CLDN16: variants seen among roughly 807,000 people sequenced by gnomAD.
CLDN16 encodes the protein claudin 16.
A neutral mutation model predicts 24.6 loss-of-function variants in CLDN16; 13 were observed. The observed-to-expected ratio is 0.53, with a 90% CI of 0.34 to 0.84. The LOEUF (loss-of-function observed/expected upper bound fraction) is 0.84, where lower values mean the gene tolerates loss of function less well. Ranked by LOEUF, CLDN16 falls within the 40% of genes least tolerant of loss-of-function variation. CLDN16 has a pLI of 0.01. For missense variants in CLDN16, 298 were observed against 292.7 expected (o/e 1.02, Z -0.13); for synonymous variants, 116 against 106.7 (o/e 1.09, Z -0.54).
At chr3:190,312,688 T>G in the CLDN16 span, among the ~76,000 whole-genome samples, 1 of 152,234 alleles carries the variant, frequency 6.6e-6, no homozygotes, top group Non-Finnish European at 1.5e-5. Context: ...CTGTCAGATG[T>G]GAGCAGAGCT....
At chr3:190,388,074 C>T, upstream of CLDN16, 1 of 1,564,834 alleles carries the variant, frequency 6.4e-7, no homozygotes, top group Non-Finnish European at 8.8e-7. Context: ...CACACTCAGC[C>T]CTTGCACTGA....
upstream of CLDN16, among the ~76,000 whole-genome samples, chr3:190,385,758 C>T (rs1718483596): frequency 6.6e-6 from 1 of 152,078 alleles, no homozygotes; most frequent in Non-Finnish European, 1.5e-5. Context: ...AATTCTGATA[C>T]CCTCTTTTCT....
intron 1 of CLDN16, among the ~76,000 whole-genome samples, chr3:190,395,000 G>GA (rs1466415433): frequency 6.6e-6 from 1 of 151,806 alleles, no homozygotes; most frequent in East Asian, 1.9e-4. Flanking sequence ...AAAACAGAGA[G>GA]AAAAAAGAAA....
chr3:190,354,280 A>G (rs755266377), intron 1 of CLDN16, among the ~76,000 whole-genome samples: 12 of 152,116 alleles, frequency 7.9e-5, no homozygotes, highest in Middle Eastern at 3.4e-3. Flanking sequence ...TATTTTGTCA[A>G]CCACAGTTTC....
At position 190,410,016 on chromosome 3, in the gene CLDN16, G is replaced by A. The variant is rs150621351; in HGVS notation, c.688G>A (p.Ala230Thr). The change falls in exon 5 of 5, where the codon GCT becomes ACT. Residue 230 changes from alanine (A) to threonine (T), a missense_variant. Ala to Thr is a moderately conservative substitution (Grantham distance 58). Transcript: ENST00000264734. ...TCGCACAGAGACGGCCAAAATGTAT[G>A]CTGTAGACACAAGGGTGTAAAATGC... Reference protein sequence around the residue: ...APRTETAKMYAVDTRV With the variant: ...APRTETAKMYTVDTRV 2.5e-6 allele frequency: 4 copies of A among 1,613,960 alleles called. No homozygotes were observed. Among genetic ancestry groups the A allele is most frequent in the Non-Finnish European group, 3.4e-6 (4 of 1,180,020 alleles).
chr3:190,362,666 T>C (rs1456086624), intron 1 of CLDN16, among the ~76,000 whole-genome samples: 1 of 152,038 alleles, frequency 6.6e-6, no homozygotes, highest in Admixed American at 6.6e-5. Flanking sequence ...GCCTTCATTT[T>C]TTGAAGAATA....
rs548541988 is a variant in CLDN16 at position 190,327,521 on chromosome 3, A to T, written n.121+4860A>T. 1.1e-4 allele frequency among the ~76,000 whole-genome samples: 17 copies of T among 152,358 alleles called. No homozygotes were observed. The South Asian group carries it at 1.5e-3, about 13-fold the overall frequency. ...CTGAATTAGATAACTATCAACACAG[A>T]TGAGAAAAGTGAGGTGTGAAAAAGT... On this transcript the variant is annotated intron_variant and non_coding_transcript_variant, in intron 1 of 4. Transcript: ENST00000468220.
chr3:190,377,667 CAAAA>C (rs999809770), intron 3 of CLDN16, among the ~76,000 whole-genome samples: 1 of 151,858 alleles, frequency 6.6e-6, no homozygotes, highest in Non-Finnish European at 1.5e-5. Flanking sequence ...CTTTGGTTGC[CAAAA>C]AATTCCAGTG....
chr3:190,403,798 C>T (rs185859749), intron 2 of CLDN16, among the ~76,000 whole-genome samples: 2 of 152,152 alleles, frequency 1.3e-5, no homozygotes, highest in Non-Finnish European at 2.9e-5. Context: ...CTTTTCCCCT[C>T]TCTGTGCTAA....
chr3:190,386,513 C>T (rs556444025), upstream of CLDN16, among the ~76,000 whole-genome samples: 1 of 152,076 alleles, frequency 6.6e-6, no homozygotes, highest in Non-Finnish European at 1.5e-5. Context: ...GTGGGTAGTG[C>T]ATACAATGTG....
intron 1 of CLDN16, among the ~76,000 whole-genome samples, chr3:190,399,398 T>A (rs1200637335): frequency 6.6e-6 from 1 of 151,474 alleles, no homozygotes; most frequent in African/African-American, 2.4e-5. Context: ...TGTAATCCCA[T>A]CTACTCGGGA....
At chr3:190,333,568 ATCTATCTATCT>A (rs1717230611) in intron 1 of CLDN16, among the ~76,000 whole-genome samples, 4 of 120,478 alleles carry the variant, frequency 3.3e-5, no homozygotes, top group African/African-American at 1.3e-4. Flanking sequence ...CTATCTATCT[ATCTATCTATCT>A]ATCAATCATC....
At chr3:190,387,135 T>C (rs574730546), upstream of CLDN16, among the ~76,000 whole-genome samples, 4 of 152,294 alleles carry the variant, frequency 2.6e-5, no homozygotes, top group African/African-American at 9.6e-5. Flanking sequence ...CCACTTTGTT[T>C]TTACTGTTCT....
At chr3:190,386,260 C>A (rs75711187), upstream of CLDN16, among the ~76,000 whole-genome samples, 1 of 152,078 alleles carries the variant, frequency 6.6e-6, no homozygotes, top group Non-Finnish European at 1.5e-5. Flanking sequence ...TTTGAATGAG[C>A]ACTTAAAAAA....
intron 1 of CLDN16, among the ~76,000 whole-genome samples, chr3:190,392,526 T>C (rs1458331802): frequency 1.3e-5 from 2 of 151,974 alleles, no homozygotes; most frequent in African/African-American, 4.8e-5. Context: ...GTGTAGTGAG[T>C]GGGACAAATA....
intron 1 of CLDN16, among the ~76,000 whole-genome samples, chr3:190,342,181 C>T (rs998097098): frequency 1.3e-5 from 2 of 152,190 alleles, no homozygotes; most frequent in African/African-American, 4.8e-5. Flanking sequence ...TTCAGGAGCA[C>T]CCCACTCTGC....
At chr3:190,400,768 G>A (rs190026174) in intron 1 of CLDN16, among the ~76,000 whole-genome samples, 44 of 152,222 alleles carry the variant, frequency 2.9e-4, no homozygotes, top group African/African-American at 1.1e-3. Context: ...TGTGAATAGT[G>A]TCACAAAGAG....
intron 1 of CLDN16, chr3:190,322,686 C>T (rs1403814024): frequency 4.6e-6 from 1 of 219,380 alleles, no homozygotes; most frequent in African/African-American, 2.4e-5. Flanking sequence ...GCTTTTCATT[C>T]ATTCACTCCA....
chr3:190,382,851 G>A (rs1189461395), intron 3 of CLDN16, among the ~76,000 whole-genome samples: 2 of 151,994 alleles, frequency 1.3e-5, no homozygotes, highest in African/African-American at 2.4e-5. Flanking sequence ...GATAGTTGCC[G>A]ATCTCCTCAT....
Sources: gnomAD v4.1 joint callset for allele counts (sites outside exome capture counted in the v4.1 genomes callset) on GRCh38, gnomAD v4.1.1 for gene constraint, MANE v1.5 for transcripts, NCBI Gene and HGNC (gene_info 2026-07-23, HGNC 2026-07-21) for gene names.